Variants in CCDC93 observed in about 807,000 individuals in gnomAD.
CCDC93 encodes the protein CCC complex scaffolding subunit CCDC93.
CCDC93 carries 61 observed loss-of-function variants against 108.2 expected under a neutral mutation model. The observed-to-expected ratio is 0.56, with a 90% CI of 0.46 to 0.70. The LOEUF (loss-of-function observed/expected upper bound fraction) is 0.70. CCDC93 is among the 30% of genes least tolerant of loss of function. The pLI, the probability that CCDC93 is intolerant of heterozygous loss-of-function variation, is 0.00. For missense variants in CCDC93, 685 were observed against 764.2 expected (o/e 0.90, Z 1.22); for synonymous variants, 276 against 260.4 (o/e 1.06, Z -0.58).
chr2:117,969,039 C>T (rs969948154), intron 11 of CCDC93, among the ~76,000 whole-genome samples: 4 of 152,236 alleles, frequency 2.6e-5, no homozygotes, highest in African/African-American at 7.2e-5. Context: ...CTGATGTTCA[C>T]ACCTGCCTTT....
intron 18 of CCDC93, among the ~76,000 whole-genome samples, chr2:117,942,806 A>AG (rs1342992608): frequency 6.6e-6 from 1 of 152,194 alleles, no homozygotes; most frequent in African/African-American, 2.4e-5. Flanking sequence ...CTGACAACAA[A>AG]GCACTCCTTG....
At chr2:117,927,917 G>C (rs180725444) in intron 23 of CCDC93, among the ~76,000 whole-genome samples, 63 of 152,238 alleles carry the variant, frequency 4.1e-4, no homozygotes, top group Middle Eastern at 6.8e-3. Context: ...CAGAGATATA[G>C]ACCAATGGAA....
At position 117,945,546 on chromosome 2, in the gene CCDC93, A is replaced by G; in HGVS notation, c.1333T>C (p.Ser445Pro). 1 of 1,614,004 alleles carries G rather than the reference A, an allele frequency of 6.2e-7. No homozygotes were observed. Among genetic ancestry groups the G allele is most frequent in the Non-Finnish European group, 8.5e-7 (1 of 1,179,906 alleles). ...SSGEPPGTLTSAMTHDEDLDR... is the reference protein window; with the variant it reads ...SSGEPPGTLTPAMTHDEDLDR... ...GTACTTACGTCATGAGTCATTGCAG[A>G]GGTCAAGGTACCAGGCGGCTCTCCA... The change falls in exon 17 of 24, where the codon TCT becomes CCT. Residue 445 changes from serine (S) to proline (P), a missense_variant. By Grantham distance (74) the Ser-to-Pro change is moderately conservative (BLOSUM62 -1). Coordinates refer to ENST00000376300, the MANE Select transcript of CCDC93 (RefSeq NM_019044.5).
At chr2:117,945,683 G>A (rs764498639) in intron 16 of CCDC93, 101 bp from the exon 17 acceptor site, 25 of 952,776 alleles carry the variant, frequency 2.6e-5, no homozygotes, top group Non-Finnish European at 4.2e-5. Context: ...GGGGCATAAG[G>A]GTGCAGCTGA....
intron 13 of CCDC93, chr2:117,950,507 GCTC>G (rs1448262826): frequency 1.0e-6 from 1 of 985,246 alleles, no homozygotes; most frequent in Non-Finnish European, 1.2e-6. Context: ...TCCATGCCCA[GCTC>G]TACTTTTCCC....
chr2:117,932,510 C>T (rs1004345637), intron 22 of CCDC93, among the ~76,000 whole-genome samples: 1 of 152,202 alleles, frequency 6.6e-6, no homozygotes, highest in African/African-American at 2.4e-5. Flanking sequence ...CAAATCCTGA[C>T]CTTGCATTCA....
intron 7 of CCDC93, among the ~76,000 whole-genome samples, chr2:117,983,802 A>T (rs1680232768): frequency 6.6e-6 from 1 of 152,058 alleles, no homozygotes; most frequent in South Asian, 2.1e-4. Flanking sequence ...AATAGAACAC[A>T]CACTTGTTGG....
chr2:117,995,396 A>C (rs1558800966), intron 6 of CCDC93, 50 bp downstream of exon 6: 2 of 1,377,270 alleles, frequency 1.5e-6, no homozygotes, highest in African/African-American at 1.4e-5. Context: ...ACAAAGGGCT[A>C]TCTGAGGCTA....
intron 23 of CCDC93, among the ~76,000 whole-genome samples, chr2:117,928,550 C>A (rs1363587126): frequency 6.6e-6 from 1 of 152,162 alleles, no homozygotes; most frequent in East Asian, 1.9e-4. Context: ...CAAATCAAAA[C>A]CACAATGAGA....
intron 11 of CCDC93, among the ~76,000 whole-genome samples, chr2:117,964,965 T>A (rs1241532803): frequency 1.3e-5 from 2 of 152,164 alleles, no homozygotes; most frequent in Admixed American, 1.3e-4. Context: ...TCCATTATCT[T>A]CTACTGAGTA....
chr2:117,967,588 G>A (rs1310909571), intron 11 of CCDC93, among the ~76,000 whole-genome samples: 1 of 152,236 alleles, frequency 6.6e-6, no homozygotes, highest in African/African-American at 2.4e-5. Flanking sequence ...TGGTAAAGGA[G>A]GCTGTCCCTG....
Position 117,958,419 on chromosome 2 carries a change from C to G in CCDC93, c.951G>C (p.Arg317=). The part of the protein sequence containing the change: ...EKLGTSQLHR[R]KVISLNKQIA... ...TCTGTTTGTTCAAGGAAATGACTTT[C>G]CGGCGATGTAGCTGGGAGGTTCCTA... is the stretch of plus-strand genomic sequence containing the variant. The change falls in exon 12 of 24, where the codon CGG becomes CGC. Residue 317 remains arginine, a synonymous_variant. Coordinates refer to ENST00000376300, the MANE Select transcript of CCDC93 (RefSeq NM_019044.5). 1 of 1,613,934 alleles carries G rather than the reference C, an allele frequency of 6.2e-7. No homozygotes were observed. The highest frequency in any genetic ancestry group is 2.2e-5 in the East Asian group (1 of 44,874).
At chr2:118,005,027 G>A (rs1281390212) in intron 3 of CCDC93, among the ~76,000 whole-genome samples, 1 of 152,126 alleles carries the variant, frequency 6.6e-6, no homozygotes, top group African/African-American at 2.4e-5. Context: ...GATCAATAAA[G>A]CTATAAATTC....
chr2:117,974,178 C>CA (rs1222161852), intron 10 of CCDC93, among the ~76,000 whole-genome samples, 184 bp from the exon 11 acceptor site: 1 of 152,110 alleles, frequency 6.6e-6, no homozygotes, highest in Non-Finnish European at 1.5e-5. Context: ...AGGACAAACA[C>CA]GCAGCTACCT....
At chr2:117,930,853 G>C (rs1231251827) in intron 23 of CCDC93, 184 bp downstream of exon 23, 2 of 512,176 alleles carry the variant, frequency 3.9e-6, no homozygotes, top group Non-Finnish European at 6.9e-6. Context: ...CTCAAGATGG[G>C]CCACAGAAAA....
At chr2:117,934,698 T>C (rs1202812616) in intron 22 of CCDC93, 1 of 152,234 alleles carries the variant, frequency 6.6e-6, no homozygotes, top group African/African-American at 2.4e-5. Flanking sequence ...CAATTCTTTC[T>C]TTCTCATGTG....
intron 21 of CCDC93, 72 bp from the exon 22 acceptor site, chr2:117,935,651 G>T: frequency 9.0e-7 from 1 of 1,114,184 alleles, no homozygotes; most frequent in Non-Finnish European, 1.4e-6. Context: ...CAAGCAGTCA[G>T]CTCTGTATCC....
intron 21 of CCDC93, 112 bp downstream of exon 21, chr2:117,936,590 T>C (rs988531363): frequency 1.2e-6 from 1 of 836,148 alleles, no homozygotes; most frequent in Non-Finnish European, 2.1e-6. Context: ...ACATACCCAG[T>C]GTTAAGTCTT....
chr2:117,920,711 G>T (rs1174319867), intron 23 of CCDC93, among the ~76,000 whole-genome samples: 1 of 152,266 alleles, frequency 6.6e-6, no homozygotes, highest in Non-Finnish European at 1.5e-5. Flanking sequence ...ACACTTATCT[G>T]CCAGTCTTGG....
Sources: gnomAD v4.1 joint callset for allele counts (sites outside exome capture counted in the v4.1 genomes callset) on GRCh38, gnomAD v4.1.1 for gene constraint, MANE v1.5 for transcripts, NCBI Gene and HGNC (gene_info 2026-07-23, HGNC 2026-07-21) for gene names.